The following ARID4B variants were observed in gnomAD, a reference collection of about 807,000 sequenced individuals.
The protein encoded by ARID4B is AT-rich interaction domain 4B, also known as AT-rich interactive domain-containing protein 4B.
In ARID4B, 26 loss-of-function variants were observed where a neutral mutation model predicts 147.5. The observed-to-expected ratio is 0.18, with a 90% CI of 0.13 to 0.24. ARID4B has a LOEUF of 0.24. Among genes scored for constraint, ARID4B ranks in the 10% least tolerant of loss-of-function variants. ARID4B has a pLI of 1.00. For missense variants in ARID4B, 1,179 were observed against 1,511.5 expected (o/e 0.78, Z 3.65); for synonymous variants, 512 against 507.9 (o/e 1.01, Z -0.11).
intron 2 of ARID4B, among the ~76,000 whole-genome samples, chr1:235,318,350 A>C (rs1674587321): frequency 6.6e-6 from 1 of 151,330 alleles, no homozygotes; most frequent in Non-Finnish European, 1.5e-5. Flanking sequence ...TAATTTTTTT[A>C]TTTAGTACAG....
At chr1:235,215,029 G>A (rs10925125) in intron 16 of ARID4B, among the ~76,000 whole-genome samples, 72,839 of 151,152 alleles carry the variant, frequency 0.48, 17,880 homozygotes, top group South Asian at 0.6. Flanking sequence ...ATTTTTAGTA[G>A]TGACAGGGTT....
intron 2 of ARID4B, among the ~76,000 whole-genome samples, chr1:235,312,698 G>A (rs1380692332): frequency 1.3e-5 from 2 of 152,170 alleles, no homozygotes; most frequent in Non-Finnish European, 2.9e-5. Context: ...ATGGGGCTGG[G>A]CGTGGTGGCT....
intron 4 of ARID4B, 85 bp from the exon 5 acceptor site, chr1:235,255,835 T>A: frequency 1.2e-6 from 1 of 826,658 alleles, no homozygotes; most frequent in Non-Finnish European, 1.9e-6. Flanking sequence ...TTTAACTGAG[T>A]GCATGATGGT....
At chr1:235,211,804 C>T (rs1012508355) in intron 17 of ARID4B, among the ~76,000 whole-genome samples, 65 of 152,248 alleles carry the variant, frequency 4.3e-4, no homozygotes, top group African/African-American at 1.5e-3. Flanking sequence ...GTAGAACTCC[C>T]TCTACATTTA....
chr1:235,251,313 G>C (rs985163638), intron 6 of ARID4B, among the ~76,000 whole-genome samples: 2 of 151,850 alleles, frequency 1.3e-5, no homozygotes, highest in Admixed American at 6.6e-5. Flanking sequence ...AGAGGAGGAA[G>C]CATTTATAAT....
intron 22 of ARID4B, among the ~76,000 whole-genome samples, chr1:235,173,742 TAAAA>T (rs755815257): frequency 5.3e-4 from 14 of 26,254 alleles, no homozygotes; most frequent in Admixed American, 7.6e-4. Flanking sequence ...CGTCTCTATT[TAAAA>T]AAAAAAAAAA....
At chr1:235,175,904 C>T (rs1011357505) in intron 21 of ARID4B, among the ~76,000 whole-genome samples, 1 of 152,126 alleles carries the variant, frequency 6.6e-6, no homozygotes, top group African/African-American at 2.4e-5. Flanking sequence ...TAAATAACTC[C>T]TATGCTGTGG....
At chr1:235,262,970 A>T (rs192888157) in intron 2 of ARID4B, among the ~76,000 whole-genome samples, 15 of 152,308 alleles carry the variant, frequency 9.8e-5, no homozygotes, top group African/African-American at 2.9e-4. Context: ...AATTTTTTTT[A>T]AATGTTTTAT....
At chr1:235,260,218 A>G (rs1445261135) in intron 3 of ARID4B, among the ~76,000 whole-genome samples, 1 of 152,212 alleles carries the variant, frequency 6.6e-6, no homozygotes, top group African/African-American at 2.4e-5. Context: ...TCACATTCTA[A>G]TTTTATGGCT....
chr1:235,202,661 T>C (rs1188179172), intron 17 of ARID4B, among the ~76,000 whole-genome samples: 1 of 151,966 alleles, frequency 6.6e-6, no homozygotes, highest in African/African-American at 2.4e-5. Context: ...GTGATTCTCC[T>C]GCCTCAGCCC....
chr1:235,186,577 A>AT (rs1392896248), intron 19 of ARID4B, among the ~76,000 whole-genome samples: 1 of 151,654 alleles, frequency 6.6e-6, no homozygotes, highest in Non-Finnish European at 1.5e-5. Flanking sequence ...TAATTTTTGT[A>AT]TTTTTAGCAG....
chr1:235,177,766 T>C, intron 21 of ARID4B, 34 bp downstream of exon 21: 1 of 1,430,556 alleles, frequency 7.0e-7, no homozygotes, highest in Non-Finnish European at 9.8e-7. Context: ...AGCTATTATT[T>C]TTATATTTTA....
intron 3 of ARID4B, among the ~76,000 whole-genome samples, chr1:235,259,380 C>G (rs542233976): frequency 3.2e-4 from 49 of 152,388 alleles, no homozygotes; most frequent in African/African-American, 1.2e-3. Context: ...TCTTTTCCAA[C>G]TGGCACAAAC....
intron 2 of ARID4B, among the ~76,000 whole-genome samples, chr1:235,297,445 G>A (rs1244210866): frequency 6.6e-6 from 1 of 152,104 alleles, no homozygotes; most frequent in Non-Finnish European, 1.5e-5. Context: ...TGAAATAAAA[G>A]TTTTCTTTAC....
intron 20 of ARID4B, among the ~76,000 whole-genome samples, chr1:235,178,842 C>T (rs536881927): frequency 1.6e-5 from 2 of 128,218 alleles, no homozygotes; most frequent in South Asian, 3.0e-4. Context: ...TAACTGTCTG[C>T]AACTTCCTAG....
intron 19 of ARID4B, among the ~76,000 whole-genome samples, chr1:235,185,528 T>C (rs1664614773): frequency 6.6e-6 from 1 of 152,236 alleles, no homozygotes; most frequent in Non-Finnish European, 1.5e-5. Flanking sequence ...TCCTCCTCAC[T>C]GCTTTCTTTT....
intron 19 of ARID4B, among the ~76,000 whole-genome samples, chr1:235,186,719 T>C (rs1248228148): frequency 6.8e-6 from 1 of 148,142 alleles, no homozygotes; most frequent in Non-Finnish European, 1.5e-5. Context: ...AATTTTAATT[T>C]AGATTTTTTG....
At chr1:235,223,296 C>A in intron 12 of ARID4B, 36 bp from the exon 13 acceptor site, 1 of 1,126,952 alleles carries the variant, frequency 8.9e-7, no homozygotes, top group Non-Finnish European at 1.2e-6. Context: ...TAGATCCACA[C>A]TACATTTTTA....
chr1:235,296,120 C>A, intron 2 of ARID4B: 1 of 174,048 alleles, frequency 5.7e-6, no homozygotes, highest in South Asian at 1.5e-4. Context: ...TTCCCCTGAC[C>A]ACTGAGTCAG....
Sources: allele counts gnomAD v4.1 joint callset (sites outside exome capture counted in the v4.1 genomes callset), GRCh38; gene constraint gnomAD v4.1.1; transcripts MANE v1.5; gene names NCBI Gene and HGNC (gene_info 2026-07-23, HGNC 2026-07-21).